The following BSPH1 variants were observed in gnomAD, a reference collection of about 807,000 sequenced individuals.
BSPH1 encodes binder of sperm protein homolog 1.
BSPH1 carries 21 observed loss-of-function variants against 22.5 expected under a neutral mutation model. The observed-to-expected ratio is 0.93, with a 90% confidence interval of 0.66 to 1.35. BSPH1 has a LOEUF of 1.35. Ranked by LOEUF, BSPH1 falls within the 40% of genes most tolerant of loss-of-function variation. The pLI, the probability that BSPH1 is intolerant of heterozygous loss-of-function variation, is 0.00. For missense variants in BSPH1, 141 were observed against 154.2 expected (o/e 0.91, Z 0.45); for synonymous variants, 42 against 53.6 (o/e 0.78, Z 0.95).
intron 5 of BSPH1, among the ~76,000 whole-genome samples, 154 bp from the exon 6 acceptor site, chr19:47,968,363 C>CTT (rs67184020): frequency 7.1e-5 from 10 of 141,024 alleles, no homozygotes; most frequent in South Asian, 2.2e-4. Flanking sequence ...TCTCTTTTTT[C>CTT]TTTTTTTTTT....
chr19:47,991,586 C>A (rs1966873813), intron 1 of BSPH1, among the ~76,000 whole-genome samples: 1 of 100,098 alleles, frequency 1.0e-5, no homozygotes, highest in Non-Finnish European at 2.1e-5. Flanking sequence ...TCTTTCCCCT[C>A]TGTCTCCCCC....
intron 2 of BSPH1, 76 bp downstream of exon 2, chr19:47,980,845 G>C (rs1969413480): frequency 1.3e-6 from 1 of 744,274 alleles, no homozygotes; most frequent in East Asian, 2.9e-5. Context: ...ACCAGGAAAG[G>C]GAATACTCAA....
intron 5 of BSPH1, 113 bp downstream of exon 5, chr19:47,976,597 C>A (rs10404937): frequency 0.43 from 130,843 of 302,946 alleles, 18,755 homozygotes; most frequent in African/African-American, 0.54. Flanking sequence ...AAAAAAAAAA[C>A]AAAAAAAAAC....
intron 1 of BSPH1, among the ~76,000 whole-genome samples, chr19:47,990,130 A>G (rs201012884): frequency 0.17 from 25,543 of 149,776 alleles, 2,465 homozygotes; most frequent in Non-Finnish European, 0.21. Context: ...AAAAAAAAAA[A>G]AAAAAAAAAA....
Position 47,976,711 on chromosome 19 carries a change from A to G in BSPH1, c.*1T>C, listed in dbSNP as rs1396445416. 6.4e-7 allele frequency: 1 copy of G among 1,551,650 alleles called. No homozygotes were observed. The highest frequency in any genetic ancestry group is 1.2e-5 in the South Asian group (1 of 84,044). On this transcript the variant is annotated splice_region_variant and 3_prime_UTR_variant, in exon 5 of 6. Coordinates refer to ENST00000344839, the MANE Select transcript of BSPH1 (RefSeq NM_001128326.2). ...TCCCCCTCCCCTGGTAAATCTCACC[A>G]TCATTCACAGTATTTCCAAATTCGG...
At chr19:47,970,669 G>A (rs1969303601) in intron 5 of BSPH1, among the ~76,000 whole-genome samples, 1 of 152,124 alleles carries the variant, frequency 6.6e-6, no homozygotes, top group East Asian at 1.9e-4. Flanking sequence ...TTTGGTTATT[G>A]TTTACCAAAT....
intron 3 of BSPH1, among the ~76,000 whole-genome samples, chr19:47,978,573 G>A (rs1454558233): frequency 6.6e-6 from 1 of 152,144 alleles, no homozygotes; most frequent in Admixed American, 6.5e-5. Context: ...CCCAAAGCAA[G>A]GTTGCAAGGA....
intron 3 of BSPH1, 81 bp downstream of exon 3, chr19:47,979,489 G>T: frequency 1.4e-6 from 1 of 699,842 alleles, no homozygotes; most frequent in Non-Finnish European, 2.3e-6. Context: ...TTTTTTACTG[G>T]AAAAACATTA....
At chr19:47,982,702 C>G (rs112531640) in intron 1 of BSPH1, among the ~76,000 whole-genome samples, 78 of 152,218 alleles carry the variant, frequency 5.1e-4, no homozygotes, top group African/African-American at 1.7e-3. Flanking sequence ...TGGAAAGAAC[C>G]CACATGTCCG....
At chr19:47,980,186 G>A (rs1969405123) in intron 2 of BSPH1, among the ~76,000 whole-genome samples, 1 of 124,088 alleles carries the variant, frequency 8.1e-6, no homozygotes, top group Admixed American at 8.5e-5. Flanking sequence ...ATTTCAGCAT[G>A]ATTAGTATTA....
chr19:47,977,948 A>G (rs528631701), intron 3 of BSPH1, among the ~76,000 whole-genome samples: 1 of 147,426 alleles, frequency 6.8e-6, no homozygotes, highest in Non-Finnish European at 1.5e-5. Context: ...GGTTTTATAT[A>G]TATACTTATA....
At chr19:47,986,222 G>A (rs2122262400) in intron 1 of BSPH1, among the ~76,000 whole-genome samples, 1 of 152,296 alleles carries the variant, frequency 6.6e-6, no homozygotes, top group Admixed American at 6.5e-5. Context: ...CCAAAGTGCT[G>A]CACTTGCTGT....
intron 1 of BSPH1, among the ~76,000 whole-genome samples, chr19:47,990,670 G>T (rs1969514975): frequency 6.6e-6 from 1 of 151,722 alleles, no homozygotes; most frequent in South Asian, 2.1e-4. Flanking sequence ...AGAAATATCT[G>T]CAAGATCATT....
chr19:47,988,162 T>A (rs1969488368), intron 1 of BSPH1, among the ~76,000 whole-genome samples: 1 of 152,164 alleles, frequency 6.6e-6, no homozygotes, highest in Non-Finnish European at 1.5e-5. Flanking sequence ...ACGATTCCAC[T>A]TGTATGAGAA....
intron 1 of BSPH1, among the ~76,000 whole-genome samples, chr19:47,988,276 T>C (rs1969489674): frequency 6.6e-6 from 1 of 152,200 alleles, no homozygotes; most frequent in African/African-American, 2.4e-5. Flanking sequence ...ATAATAGTAG[T>C]AATAATGACT....
chr19:47,979,280 C>T (rs370306483), intron 3 of BSPH1, among the ~76,000 whole-genome samples: 1 of 149,372 alleles, frequency 6.7e-6, no homozygotes, highest in Non-Finnish European at 1.5e-5. Context: ...TACTACAGCA[C>T]TTTGTTCATA....
chr19:47,991,871 T>C (rs11671612), intron 1 of BSPH1, 138 bp downstream of exon 1: 266,386 of 406,254 alleles, frequency 0.66, 86,858 homozygotes, highest in African/African-American at 0.74. Flanking sequence ...CCTCTTCTCC[T>C]TCCTCCTCCT....
At chr19:47,967,546 C>T (rs1969270403), downstream of BSPH1, among the ~76,000 whole-genome samples, 1 of 152,290 alleles carries the variant, frequency 6.6e-6, no homozygotes, top group African/African-American at 2.4e-5. Flanking sequence ...CAGATGGCCA[C>T]CCCCTTAGTC....
At chr19:47,987,357 A>T (rs1465868286) in intron 1 of BSPH1, among the ~76,000 whole-genome samples, 2 of 151,336 alleles carry the variant, frequency 1.3e-5, no homozygotes, top group Non-Finnish European at 2.9e-5. Context: ...TTTGTGTAAG[A>T]ACACGTACTA....
Sources: gnomAD v4.1 joint callset for allele counts (sites outside exome capture counted in the v4.1 genomes callset) on GRCh38, gnomAD v4.1.1 for gene constraint, MANE v1.5 for transcripts, NCBI Gene and HGNC (gene_info 2026-07-23, HGNC 2026-07-21) for gene names.